PCSK5: variants seen among roughly 807,000 people sequenced by gnomAD.
PCSK5 encodes the protein proprotein convertase subtilisin/kexin type 5.
Under a neutral mutation model 233.2 loss-of-function variants are expected in PCSK5, and 129 were observed. The ratio of observed to expected loss-of-function variants is 0.55; its 90% CI spans 0.48 to 0.64. The LOEUF is 0.64. Ranked by LOEUF, PCSK5 falls within the 30% of genes least tolerant of loss-of-function variation. PCSK5 has a pLI of 0.00. For synonymous variants in PCSK5, 825 were observed against 879.2 expected (o/e 0.94, Z 1.09); for missense variants, 2,076 against 2,430.1 (o/e 0.85, Z 3.06).
chr9:76,118,729 AAAT>A (rs1360412545), intron 9 of PCSK5, among the ~76,000 whole-genome samples: 1 of 151,966 alleles, frequency 6.6e-6, no homozygotes, highest in Non-Finnish European at 1.5e-5. Context: ...ATTATCATCA[AAAT>A]AACACATTTT....
chr9:76,060,329 T>C lies in PCSK5; in HGVS notation c.633-7626T>C, dbSNP rs187853784. Among the ~76,000 whole-genome samples the C allele has an allele frequency of 4.2e-4, 64 of 152,340 alleles. 1 individual carries two copies. Among genetic ancestry groups the C allele is most frequent in the Middle Eastern group, 6.8e-3 (2 of 294 alleles). ...TGTATGTTACATGTATTATATACTA[T>C]ATTCTTACAATTAAGCTAGAGAAAG... On this transcript the variant is annotated intron_variant, in intron 5 of 37. Coordinates refer to ENST00000674117, the MANE Select transcript of PCSK5 (RefSeq NM_001372043.1).
At chr9:76,028,848 G>C (rs75853371) in intron 5 of PCSK5, among the ~76,000 whole-genome samples, 3,214 of 152,244 alleles carry the variant, frequency 0.021, 57 homozygotes, top group East Asian at 0.057. Context: ...CCCAAATTTA[G>C]TTTGGCCCAC....
chr9:75,951,209 A>C (rs1295052265), intron 2 of PCSK5, among the ~76,000 whole-genome samples: 1 of 152,248 alleles, frequency 6.6e-6, no homozygotes, highest in Non-Finnish European at 1.5e-5. Context: ...ATGAGTCACC[A>C]GTATAGACAA....
chr9:76,268,281 C>G (rs1403600515), intron 24 of PCSK5, among the ~76,000 whole-genome samples: 4 of 152,198 alleles, frequency 2.6e-5, no homozygotes, highest in African/African-American at 9.7e-5. Context: ...CCCACCCACC[C>G]CACACATACG....
chr9:75,929,103 T>G (rs927320978), intron 1 of PCSK5, among the ~76,000 whole-genome samples: 1 of 151,824 alleles, frequency 6.6e-6, no homozygotes, highest in Non-Finnish European at 1.5e-5. Flanking sequence ...CCCAGCTAAT[T>G]TTTGTATTTT....
At chr9:75,976,336 T>A (rs1439663543) in intron 2 of PCSK5, among the ~76,000 whole-genome samples, 2 of 149,976 alleles carry the variant, frequency 1.3e-5, no homozygotes, top group African/African-American at 4.9e-5. Context: ...TTTTCTCTCT[T>A]TTCCCTCTCT....
intron 3 of PCSK5, among the ~76,000 whole-genome samples, chr9:75,999,331 GAC>G (rs545078293): frequency 6.6e-6 from 1 of 151,696 alleles, no homozygotes; most frequent in Non-Finnish European, 1.5e-5. Context: ...AGGAATTAAA[GAC>G]ACACACACAC....
At chr9:76,113,779 A>T (rs534998227) in intron 9 of PCSK5, among the ~76,000 whole-genome samples, 21 of 152,220 alleles carry the variant, frequency 1.4e-4, no homozygotes, top group Admixed American at 1.1e-3. Context: ...GTATTTTTTT[A>T]AATTAAAAAC....
intron 3 of PCSK5, among the ~76,000 whole-genome samples, chr9:75,990,778 C>T (rs533324796): frequency 5.3e-5 from 8 of 152,288 alleles, no homozygotes; most frequent in African/African-American, 1.9e-4. Flanking sequence ...GTAATTTTTG[C>T]TCACAGATTT....
At chr9:75,963,898 A>G (rs944575777) in intron 2 of PCSK5, among the ~76,000 whole-genome samples, 2 of 152,202 alleles carry the variant, frequency 1.3e-5, no homozygotes, top group Non-Finnish European at 2.9e-5. Flanking sequence ...AAAATTAAAA[A>G]AAAAATTCAG....
chr9:76,348,584 C>A (rs1006102787), intron 35 of PCSK5, among the ~76,000 whole-genome samples: 3 of 151,630 alleles, frequency 2.0e-5, no homozygotes, highest in Non-Finnish European at 4.4e-5. Context: ...GGCAACAGAG[C>A]AAGATTCCAC....
intron 3 of PCSK5, among the ~76,000 whole-genome samples, chr9:76,020,976 G>A (rs1828161323): frequency 6.6e-6 from 1 of 152,144 alleles, no homozygotes; most frequent in South Asian, 2.1e-4. Context: ...ATGTGGTGAG[G>A]AGAGGCCCAA....
intron 20 of PCSK5, chr9:76,193,472 C>T: frequency 1.3e-6 from 1 of 745,968 alleles, no homozygotes; most frequent in Non-Finnish European, 2.0e-6. Context: ...TTTTCTTGCT[C>T]TCTTTTTCTT....
intron 2 of PCSK5, among the ~76,000 whole-genome samples, chr9:75,982,590 C>A (rs1826326829): frequency 6.6e-6 from 1 of 152,086 alleles, no homozygotes; most frequent in Non-Finnish European, 1.5e-5. Context: ...ACCTGATTTA[C>A]CTTTCCAGAA....
intron 16 of PCSK5, among the ~76,000 whole-genome samples, chr9:76,182,573 C>CA (rs1236166691): frequency 1.3e-5 from 2 of 148,756 alleles, no homozygotes; most frequent in Non-Finnish European, 3.0e-5. Context: ...CTTTACCAAA[C>CA]AAAAATGTGT....
intron 2 of PCSK5, among the ~76,000 whole-genome samples, chr9:75,946,308 C>T (rs182460451): frequency 6.6e-6 from 1 of 152,266 alleles, no homozygotes; most frequent in Non-Finnish European, 1.5e-5. Context: ...AAAATGAAAG[C>T]AACATCAATT....
At chr9:75,957,095 G>A (rs535399114) in intron 2 of PCSK5, among the ~76,000 whole-genome samples, 1 of 152,200 alleles carries the variant, frequency 6.6e-6, no homozygotes, top group African/African-American at 2.4e-5. Flanking sequence ...ACCCATCAGC[G>A]AGTTATAAGT....
intron 20 of PCSK5, among the ~76,000 whole-genome samples, chr9:76,224,005 C>A (rs997421893): frequency 6.6e-5 from 10 of 152,070 alleles, no homozygotes; most frequent in Non-Finnish European, 1.0e-4. Context: ...ATGGGAGAAG[C>A]CTTCTCTATT....
At chr9:76,167,646 T>C (rs938159476) in intron 12 of PCSK5, among the ~76,000 whole-genome samples, 1 of 152,210 alleles carries the variant, frequency 6.6e-6, no homozygotes, top group African/African-American at 2.4e-5. Flanking sequence ...AAATACGTTT[T>C]TAAAAAATCA....
Sources: allele counts gnomAD v4.1 joint callset (sites outside exome capture counted in the v4.1 genomes callset), GRCh38; gene constraint gnomAD v4.1.1; transcripts MANE v1.5; gene names NCBI Gene and HGNC (gene_info 2026-07-23, HGNC 2026-07-21).